ARHGAP27: variants seen among roughly 807,000 people sequenced by gnomAD.
The protein encoded by ARHGAP27 is Rho GTPase activating protein 27.
A neutral mutation model predicts 102.0 loss-of-function variants in ARHGAP27; 53 were observed. The observed-to-expected ratio is 0.52, with a 90% CI of 0.42 to 0.65. The LOEUF (loss-of-function observed/expected upper bound fraction) is 0.65, where lower values mean the gene tolerates loss of function less well. Ranked by LOEUF, ARHGAP27 falls within the 30% of genes least tolerant of loss-of-function variation. ARHGAP27 has a pLI of 0.00. For synonymous variants in ARHGAP27, 525 were observed against 542.8 expected (o/e 0.97, Z 0.46); for missense variants, 1,117 against 1,256.2 (o/e 0.89, Z 1.68).
chr17:45,432,055 C>T (rs1199075411), intron 2 of ARHGAP27, among the ~76,000 whole-genome samples, 161 bp downstream of exon 2: 6 of 139,712 alleles, frequency 4.3e-5, no homozygotes, highest in African/African-American at 1.0e-4. Context: ...GGAGTGCCTG[C>T]GTCCCTCCTG....
intron 17 of ARHGAP27, 22 bp downstream of exon 17, chr17:45,396,185 A>AG: frequency 6.3e-7 from 1 of 1,598,262 alleles, no homozygotes; most frequent in African/African-American, 1.3e-5. Context: ...GCCCTGGGGC[A>AG]GGGGTTGGGG....
intron 4 of ARHGAP27, chr17:45,408,852 C>T (rs2047548872): frequency 1.3e-5 from 2 of 152,242 alleles, no homozygotes; most frequent in African/African-American, 4.8e-5. Flanking sequence ...GCCAGTTGTC[C>T]AACCATCTGC....
chr17:45,425,283 C>A (rs1031896332), intron 4 of ARHGAP27, among the ~76,000 whole-genome samples: 1 of 151,962 alleles, frequency 6.6e-6, no homozygotes, highest in Admixed American at 6.5e-5. Context: ...AGCTAGAGTC[C>A]CTTCAACTTG....
chr17:45,415,293 G>A (rs1347943163), intron 4 of ARHGAP27, among the ~76,000 whole-genome samples: 1 of 151,976 alleles, frequency 6.6e-6, no homozygotes, highest in Non-Finnish European at 1.5e-5. Flanking sequence ...TCCTTCTTGG[G>A]CTTCCTCAGG....
In ARHGAP27 at chr17:45,410,198, C is replaced by T. The variant is rs142163608; in HGVS notation, c.658-4115G>A. ...TCCTAACAGGGCTTGTGGTAGAGGC[C>T]CACCGGGCACCCCTTGACCCCAGCA... is the stretch of plus-strand genomic sequence containing the variant. On this transcript the variant is annotated intron_variant, in intron 4 of 19. Coordinates refer to ENST00000685559, the MANE Select transcript of ARHGAP27 (RefSeq NM_001282290.2). 1.2e-3 allele frequency: 1,890 copies of T among 1,532,256 alleles called. 26 individuals carry two copies. The African/African-American group carries it at 0.023, about 19-fold the overall frequency. The allele number at this position is 1,532,256 out of a possible 1,614,324, so 94.9% of individuals were successfully genotyped here.
rs750675740 is a variant in ARHGAP27 at position 45,429,812 on chromosome 17, G to GGA, written c.466_467dup (p.Leu157ProfsTer2). On this transcript the variant is annotated frameshift_variant, in exon 4 of 20. Transcript: ENST00000685559. LOFTEE classifies it high-confidence loss of function. The stretch of plus-strand genomic sequence containing the variant: ...CGGCGGCGCAGGCCAGGTCGTTCAG[G>GGA]GACTGCGCGGGCCGCACGGGCGCCG... 2.7e-6 allele frequency: 4 copies of GGA among 1,491,878 alleles called. No individual in the cohort carries two copies. The South Asian group carries it at 5.0e-5, about 18-fold the overall frequency. 92.4% of individuals were successfully genotyped at this position (1,491,878 alleles called of 1,614,324 possible).
rs773861287 is a variant in ARHGAP27, at chr17:45,396,930, G to C, written c.1937C>G (p.Ala646Gly). ...LGSWQEKEEDARPNAAAPALG... is the reference protein window; with the variant it reads ...LGSWQEKEEDGRPNAAAPALG... ...CTTGCGCACACCTGCATTCGGTCGC[G>C]CGTCCTCCTCTTTCTCCTGCCAGCT... The change falls in exon 14 of 20, where the codon GCG (alanine) becomes GGG (glycine). Residue 646 changes from alanine to glycine, a missense_variant. Around this residue, in one of 3 missense-constraint regions of ARHGAP27, gnomAD observed 493 missense variants for 505.5 expected, o/e 0.98. Transcript: ENST00000685559. 63 of 1,606,194 alleles carry C rather than the reference G, an allele frequency of 3.9e-5. No individual in the cohort carries two copies. The highest frequency in any genetic ancestry group is 5.2e-5 in the Non-Finnish European group (61 of 1,179,978).
chr17:45,410,362 T>C, intron 4 of ARHGAP27: 2 of 1,387,506 alleles, frequency 1.4e-6, no homozygotes, highest in Non-Finnish European at 1.9e-6. Context: ...ACTACCCCAG[T>C]GCTGGCACAG....
intron 10 of ARHGAP27, 46 bp downstream of exon 10, chr17:45,403,983 C>G: frequency 6.2e-7 from 1 of 1,602,354 alleles, no homozygotes; most frequent in Non-Finnish European, 8.5e-7. Context: ...TGAACATCGT[C>G]ACCAAGGCCC....
intron 4 of ARHGAP27, chr17:45,410,472 G>C: frequency 7.7e-7 from 1 of 1,296,026 alleles, no homozygotes; most frequent in Non-Finnish European, 1.0e-6. Flanking sequence ...TGGGGCGGGT[G>C]GGGTGGAGGG....
chr17:45,399,484 C>A (rs1001476751), intron 12 of ARHGAP27, among the ~76,000 whole-genome samples: 1 of 151,638 alleles, frequency 6.6e-6, no homozygotes, highest in Admixed American at 6.6e-5. Flanking sequence ...CCCAGCTACT[C>A]GGGAGGCTGA....
chr17:45,396,859 C>T (rs1451678413), intron 14 of ARHGAP27, 57 bp downstream of exon 14: 16 of 1,606,624 alleles, frequency 1.0e-5, no homozygotes, highest in East Asian at 2.2e-5. Flanking sequence ...CCCCAGCAAC[C>T]GTCACTCCCC....
chr17:45,417,971 G>C (rs571123864), intron 4 of ARHGAP27, among the ~76,000 whole-genome samples: 6,494 of 150,322 alleles, frequency 0.043, 212 homozygotes, highest in Non-Finnish European at 0.07. Context: ...GGAGAATGGC[G>C]TGAACTCGGG....
chr17:45,397,996 T>C lies in ARHGAP27; in HGVS notation c.1795A>G (p.Ile599Val). 1 of 1,611,318 alleles carries C rather than the reference T, an allele frequency of 6.2e-7. No individual in the cohort carries two copies. ...ATGGCCTTATGCCAGGTGCTGATGA[T>C]GGCCTCCGAGTCGTGCTGGATCAGG... ...EYLIQHDSEA[I>V]ISTWHKAIAQ... Residue 599 changes from isoleucine (I) to valine (V), a missense_variant, in exon 13 of 20, where the codon ATC becomes GTC. Coordinates refer to ENST00000685559, the MANE Select transcript of ARHGAP27 (RefSeq NM_001282290.2).
chr17:45,399,548 C>T (rs1372109194), intron 12 of ARHGAP27, among the ~76,000 whole-genome samples: 7 of 148,454 alleles, frequency 4.7e-5, no homozygotes, highest in Non-Finnish European at 1.0e-4. Flanking sequence ...GCCGAGATCG[C>T]ACCACTGCAC....
intron 4 of ARHGAP27, chr17:45,425,757 C>T: frequency 2.0e-6 from 1 of 511,916 alleles, no homozygotes; most frequent in Non-Finnish European, 2.5e-6. Context: ...GGCCTTCCCA[C>T]CTCTGGGCGG....
chr17:45,411,857 G>T (rs914772279), intron 4 of ARHGAP27, among the ~76,000 whole-genome samples: 1 of 152,122 alleles, frequency 6.6e-6, no homozygotes, highest in African/African-American at 2.4e-5. Flanking sequence ...GTCACCAAGG[G>T]TTATGCAACC....
At chr17:45,419,374 A>ATATATG (rs2048789497) in intron 4 of ARHGAP27, among the ~76,000 whole-genome samples, 2 of 151,892 alleles carry the variant, frequency 1.3e-5, no homozygotes, top group African/African-American at 4.8e-5. Context: ...GTATGTATAT[A>ATATATG]CCTATATATA....
In ARHGAP27 at chr17:45,430,596, G is replaced by A. The variant is rs776421718; in HGVS notation, c.-18-299C>T. On this transcript the variant is annotated intron_variant, in intron 3 of 19. Coordinates refer to ENST00000685559, the MANE Select transcript of ARHGAP27 (RefSeq NM_001282290.2). The surrounding 1 kb of genome is among the most constrained non-coding windows in gnomAD (Gnocchi z 4.4). The stretch of plus-strand genomic sequence containing the variant: ...GGTAGTCTTGGTCCAAATCGACTGC[G>A]AGGGAAGCCTTGGCTTTAAAACGAG... Among the ~76,000 whole-genome samples, 1 of 152,178 alleles carries A rather than the reference G, an allele frequency of 6.6e-6. No individual in the cohort carries two copies. Among genetic ancestry groups the A allele is most frequent in the Non-Finnish European group, 1.5e-5 (1 of 68,014 alleles).
Sources: allele counts gnomAD v4.1 joint callset (sites outside exome capture counted in the v4.1 genomes callset), GRCh38; gene constraint gnomAD v4.1.1; regional missense constraint gnomAD v4.1.1; non-coding constraint Gnocchi (gnomAD v3.1); transcripts MANE v1.5; gene names NCBI Gene and HGNC (gene_info 2026-07-23, HGNC 2026-07-21).